Variants in RXRA observed in about 807,000 individuals in gnomAD.
RXRA encodes retinoid X receptor alpha.
In RXRA, 5 loss-of-function variants were observed where a neutral mutation model predicts 44.5. That is an observed-to-expected ratio of 0.11 (90% CI 0.06 to 0.24). The LOEUF is 0.24. Ranked by LOEUF, RXRA falls within the 10% of genes least tolerant of loss-of-function variation. The pLI is 1.00. For missense variants in RXRA, 412 were observed against 646.5 expected (o/e 0.64, Z 3.93); for synonymous variants, 291 against 271.4 (o/e 1.07, Z -0.71).
intron 1 of RXRA, among the ~76,000 whole-genome samples, chr9:134,348,363 G>A (rs962904532): frequency 2.6e-5 from 4 of 152,186 alleles, no homozygotes; most frequent in Non-Finnish European, 5.9e-5. Context: ...CTGGTGCAGC[G>A]GGCATCGTGG....
chr9:134,385,093 T>TC (rs1293657997), intron 1 of RXRA, among the ~76,000 whole-genome samples: 1 of 152,186 alleles, frequency 6.6e-6, no homozygotes, highest in Non-Finnish European at 1.5e-5. Flanking sequence ...GAGGCCTGGT[T>TC]CCCGGGCCAT....
chr9:134,363,118 G>A (rs146256009), intron 1 of RXRA, among the ~76,000 whole-genome samples: 11 of 152,204 alleles, frequency 7.2e-5, no homozygotes, highest in African/African-American at 2.7e-4. Context: ...CCCGGGGGCT[G>A]TTGGGTGCCA....
chr9:134,335,737 T>G (rs1829992083), intron 1 of RXRA, among the ~76,000 whole-genome samples: 1 of 152,114 alleles, frequency 6.6e-6, no homozygotes, highest in Non-Finnish European at 1.5e-5. Flanking sequence ...GGAGTGTGAC[T>G]CCTACCGGCG....
rs1831538000 is a variant in RXRA at position 134,431,889 on chromosome 9, CCCT to C, written c.1044-8_1044-6del. On this transcript the variant is annotated splice_polypyrimidine_tract_variant and intron_variant, in intron 7 of 9. Coordinates refer to ENST00000481739, the MANE Select transcript of RXRA (RefSeq NM_002957.6). ...CGACCTAACTGGGATGGGGTGTCTG[CCCT>C]CCTCCTCTGCAGGGTGCTGACGGAG... is the stretch of plus-strand genomic sequence containing the variant. 8.1e-6 allele frequency: 13 copies of C among 1,601,928 alleles called. No homozygotes were observed. The highest frequency in any genetic ancestry group is 2.7e-5 in the African/African-American group (2 of 74,858).
At position 134,400,049 on chromosome 9, in the gene RXRA, G is replaced by T. The variant is rs578163789; in HGVS notation, c.29-1583G>T. 4.6e-5 allele frequency among the ~76,000 whole-genome samples: 7 copies of T among 152,378 alleles called. No individual in the cohort carries two copies. In the South Asian group the frequency reaches 1.4e-3, roughly 32 times the overall value. On this transcript the variant is annotated intron_variant, in intron 1 of 9. Transcript: ENST00000481739. ...GAGCTGGCCTTGGCCAGGTGCTGGGGGCAGCAGAGCTGTGTGAGGTAAGAA... is the reference window on the plus strand; with the variant it reads ...GAGCTGGCCTTGGCCAGGTGCTGGGTGCAGCAGAGCTGTGTGAGGTAAGAA...
intron 1 of RXRA, among the ~76,000 whole-genome samples, chr9:134,384,973 G>A (rs1002230425): frequency 6.6e-6 from 1 of 152,196 alleles, no homozygotes; most frequent in Non-Finnish European, 1.5e-5. Context: ...TTGGCGGCCT[G>A]TCCCCAGCAC....
At chr9:134,421,129 G>T (rs34847516) in intron 5 of RXRA, among the ~76,000 whole-genome samples, 1 of 152,232 alleles carries the variant, frequency 6.6e-6, no homozygotes, top group Admixed American at 6.5e-5. Context: ...GGAGAGACTC[G>T]TGCGTCCTGC....
intron 1 of RXRA, among the ~76,000 whole-genome samples, chr9:134,369,180 TG>T (rs564948486): frequency 3.1e-5 from 1 of 32,508 alleles, no homozygotes; most frequent in South Asian, 1.3e-3. Context: ...TGTGTGTGCG[TG>T]GGGGGGTTAT....
At chr9:134,421,101 C>G (rs36048743) in intron 5 of RXRA, among the ~76,000 whole-genome samples, 11,660 of 152,310 alleles carry the variant, frequency 0.077, 1,474 homozygotes, top group African/African-American at 0.26. Context: ...CTCGCCGCAC[C>G]TGCCTTCCAG....
chr9:134,386,224 G>A (rs1830717864), intron 1 of RXRA, among the ~76,000 whole-genome samples: 1 of 152,258 alleles, frequency 6.6e-6, no homozygotes, highest in Admixed American at 6.5e-5. Context: ...CAGCCGCCGC[G>A]CTGCATCACC....
At chr9:134,380,375 C>A (rs62573098) in intron 1 of RXRA, among the ~76,000 whole-genome samples, 1 of 151,756 alleles carries the variant, frequency 6.6e-6, no homozygotes, top group East Asian at 2.0e-4. Flanking sequence ...GAGCCAGGGG[C>A]CAGATCAGGG....
chr9:134,388,546 C>A (rs2119116828), intron 1 of RXRA, among the ~76,000 whole-genome samples: 1 of 152,334 alleles, frequency 6.6e-6, no homozygotes, highest in Middle Eastern at 3.4e-3. Flanking sequence ...TTACCTCTGT[C>A]TGACTGCTTG....
At chr9:134,367,307 G>A (rs745620269) in intron 1 of RXRA, among the ~76,000 whole-genome samples, 2 of 152,196 alleles carry the variant, frequency 1.3e-5, no homozygotes, top group Non-Finnish European at 2.9e-5. Context: ...TGCTGCGCTG[G>A]GCAGGGACTG....
At position 134,343,390 on chromosome 9, in the gene RXRA, T is replaced by C. The variant is rs966606769; in HGVS notation, c.28+16731T>C. Reference sequence around the variant, plus strand: ...GGGAGGAGGAGTTTCTTCTTCTGGGTTCTGGGGGTTCATGCAGGATTGCCC... The same window carrying C: ...GGGAGGAGGAGTTTCTTCTTCTGGGCTCTGGGGGTTCATGCAGGATTGCCC... On this transcript the variant is annotated intron_variant, in intron 1 of 9. Transcript: ENST00000481739. This position sits in a 1 kb window ranked among gnomAD's most constrained non-coding sequence, Gnocchi z 4.1. Among the ~76,000 whole-genome samples the C allele has an allele frequency of 1.3e-5, 2 of 151,986 alleles. No individual in the cohort carries two copies. Among genetic ancestry groups the C allele is most frequent in the African/African-American group, 2.4e-5 (1 of 41,360 alleles).
chr9:134,401,390 C>T (rs1830956391), intron 1 of RXRA: 3 of 592,718 alleles, frequency 5.1e-6, no homozygotes, highest in Non-Finnish European at 8.7e-6. Flanking sequence ...CCTGCGTCTG[C>T]CGCAGGCCCA....
Position 134,417,121 on chromosome 9 carries a change from C to G in RXRA, c.611-37C>G. On this transcript the variant is annotated intron_variant, in intron 4 of 9. Coordinates refer to ENST00000481739, the MANE Select transcript of RXRA (RefSeq NM_002957.6). The surrounding 1 kb of genome is among the most constrained non-coding windows in gnomAD (Gnocchi z 6.1). Reference sequence around the variant, plus strand: ...CCTTCCCTGGGAGCCACTGGCCGGGCTGAGCGTGGGGCTCACCTGCGCCTC... The same window carrying G: ...CCTTCCCTGGGAGCCACTGGCCGGGGTGAGCGTGGGGCTCACCTGCGCCTC... The G allele has an allele frequency of 6.3e-7, 1 of 1,585,508 alleles. No homozygotes were observed. The highest frequency in any genetic ancestry group is 2.3e-5 in the East Asian group (1 of 44,228).
Position 134,365,372 on chromosome 9 carries a change from G to A in RXRA, c.29-36260G>A, listed in dbSNP as rs1179100768. ...CTTGGGTCTCTGGTGAGCTCAGGGAGCGGGGTCCACGTTGCCTGGCCCAGG... is the reference window on the plus strand; with the variant it reads ...CTTGGGTCTCTGGTGAGCTCAGGGAACGGGGTCCACGTTGCCTGGCCCAGG... On this transcript the variant is annotated intron_variant, in intron 1 of 9. Coordinates refer to ENST00000481739, the MANE Select transcript of RXRA (RefSeq NM_002957.6). The surrounding 1 kb of genome is among the most constrained non-coding windows in gnomAD (Gnocchi z 4.0). Among the ~76,000 whole-genome samples the A allele has an allele frequency of 6.6e-6, 1 of 152,220 alleles. No individual in the cohort carries two copies. The highest frequency in any genetic ancestry group is 1.5e-5 in the Non-Finnish European group (1 of 68,040).
At chr9:134,355,345 G>T (rs957300235) in intron 1 of RXRA, among the ~76,000 whole-genome samples, 17 of 152,336 alleles carry the variant, frequency 1.1e-4, no homozygotes, top group Admixed American at 8.5e-4. Context: ...GTAAAAAGCA[G>T]CCTGACCCTT....
intron 1 of RXRA, among the ~76,000 whole-genome samples, chr9:134,400,387 C>T (rs575812492): frequency 6.6e-6 from 1 of 152,332 alleles, no homozygotes; most frequent in East Asian, 1.9e-4. Context: ...GTTCATGGTC[C>T]TGCTCGACTC....
Sources: gnomAD v4.1 joint callset for allele counts (sites outside exome capture counted in the v4.1 genomes callset) on GRCh38, gnomAD v4.1.1 for gene constraint, Gnocchi (gnomAD v3.1) non-coding constraint, MANE v1.5 for transcripts, NCBI Gene and HGNC (gene_info 2026-07-23, HGNC 2026-07-21) for gene names.